The following EYS variants were observed in gnomAD, a reference collection of about 807,000 sequenced individuals.
The protein encoded by EYS is EGF-like photoreceptor maintenance factor.
In EYS, 250 loss-of-function variants were observed where a neutral mutation model predicts 282.1. That is an observed-to-expected ratio of 0.89 (90% CI 0.80 to 0.98). The LOEUF (loss-of-function observed/expected upper bound fraction) is 0.98, where lower values mean the gene tolerates loss of function less well. EYS is among the 50% of genes least tolerant of loss of function. The pLI, the probability that EYS is intolerant of heterozygous loss-of-function variation, is 0.00. For synonymous variants in EYS, 1,355 were observed against 1,282.9 expected (o/e 1.06, Z -1.20); for missense variants, 4,016 against 3,709.0 (o/e 1.08, Z -2.15).
intron 36 of EYS, among the ~76,000 whole-genome samples, chr6:63,843,269 C>T (rs1772012214): frequency 6.6e-6 from 1 of 151,968 alleles, no homozygotes; most frequent in African/African-American, 2.4e-5. Flanking sequence ...TTGTTTGTGT[C>T]CTCTTATTTC....
intron 31 of EYS, among the ~76,000 whole-genome samples, chr6:64,156,759 T>A (rs1774935437): frequency 6.6e-6 from 1 of 152,182 alleles, no homozygotes. Flanking sequence ...TAGAGATTTG[T>A]GGAACTTTGA....
intron 33 of EYS, among the ~76,000 whole-genome samples, chr6:64,051,060 T>C (rs1263310488): frequency 2.0e-5 from 3 of 152,168 alleles, no homozygotes; most frequent in Admixed American, 6.6e-5. Flanking sequence ...ATGATGAATG[T>C]AGGGAATAGT....
At chr6:63,847,041 G>T (rs1442688709) in intron 36 of EYS, among the ~76,000 whole-genome samples, 1 of 151,984 alleles carries the variant, frequency 6.6e-6, no homozygotes, top group Non-Finnish European at 1.5e-5. Flanking sequence ...AGGAAACATG[G>T]ATAACATTAA....
chr6:65,429,521 A>G lies in EYS; in HGVS notation c.863-24154T>C, dbSNP rs1256276372. On this transcript the variant is annotated intron_variant, in intron 5 of 42. Coordinates refer to ENST00000503581, the MANE Select transcript of EYS (RefSeq NM_001142800.2). The stretch of plus-strand genomic sequence containing the variant: ...TAAATACTAATATCTGAGCCCTACC[A>G]TAGTGGCTTCATTGTCCGTATACAG... 3.9e-5 allele frequency among the ~76,000 whole-genome samples: 6 copies of G among 152,182 alleles called. No homozygotes were observed. The East Asian group carries it at 9.6e-4, about 24-fold the overall frequency.
chr6:65,586,658 T>C (rs1429923127), intron 2 of EYS, among the ~76,000 whole-genome samples: 1 of 152,062 alleles, frequency 6.6e-6, no homozygotes, highest in Non-Finnish European at 1.5e-5. Context: ...AGAATAAGAA[T>C]TGCACTTAAA....
intron 28 of EYS, among the ~76,000 whole-genome samples, chr6:64,395,149 T>C (rs967209562): frequency 2.5e-4 from 38 of 152,078 alleles, no homozygotes; most frequent in African/African-American, 7.5e-4. Flanking sequence ...CTGGAGAGGA[T>C]GTAGAGAAAT....
At chr6:64,899,753 T>C (rs949312790) in intron 18 of EYS, among the ~76,000 whole-genome samples, 1 of 152,028 alleles carries the variant, frequency 6.6e-6, no homozygotes, top group South Asian at 2.1e-4. Context: ...TGAAAAAAAT[T>C]CCACGCTCAT....
chr6:63,892,505 G>T (rs1178369069), intron 35 of EYS, among the ~76,000 whole-genome samples: 1 of 152,174 alleles, frequency 6.6e-6, no homozygotes, highest in African/African-American at 2.4e-5. Context: ...AATAAATGGT[G>T]TTGGGAAAAC....
chr6:65,368,085 G>A (rs1764983068), intron 8 of EYS, among the ~76,000 whole-genome samples: 1 of 151,514 alleles, frequency 6.6e-6, no homozygotes, highest in Non-Finnish European at 1.5e-5. Flanking sequence ...GCAGGAAGGA[G>A]AAGTGCTGAG....
intron 30 of EYS, among the ~76,000 whole-genome samples, chr6:64,297,687 G>A (rs1769082137): frequency 1.3e-5 from 2 of 152,074 alleles, no homozygotes; most frequent in African/African-American, 2.4e-5. Context: ...CCTTTCAGAA[G>A]TTAGATAGAG....
chr6:65,358,748 T>C (rs190167661), intron 8 of EYS, among the ~76,000 whole-genome samples: 182 of 152,002 alleles, frequency 1.2e-3, no homozygotes, highest in African/African-American at 4.2e-3. Context: ...TATATTAAAT[T>C]AGACCTTATA....
At chr6:64,670,988 C>T (rs1253420241) in intron 22 of EYS, among the ~76,000 whole-genome samples, 1 of 151,924 alleles carries the variant, frequency 6.6e-6, no homozygotes, top group Non-Finnish European at 1.5e-5. Context: ...TTGGAAAGAC[C>T]TCAAATTCAT....
In EYS at chr6:63,726,671, A is replaced by C. The variant is rs954331122; in HGVS notation, c.8081T>G (p.Ile2694Arg). 2 of 1,550,992 alleles carry C rather than the reference A, an allele frequency of 1.3e-6. No individual in the cohort carries two copies. Among genetic ancestry groups the C allele is most frequent in the African/African-American group, 2.7e-5 (2 of 73,040 alleles). ...ATTGCTTCTGAAAGATGGATCACTT[A>C]TGGATAAAGCTGAGGGAAGGAGAGA... ...TGIYCEQALSISDPSFRSNEL... is the reference protein window; with the variant it reads ...TGIYCEQALSRSDPSFRSNEL... The change falls in exon 42 of 43, where the codon ATA becomes AGA. Residue 2694 changes from isoleucine to arginine, a missense_variant. Transcript: ENST00000503581.
At chr6:64,856,212 T>C (rs974649642) in intron 19 of EYS, among the ~76,000 whole-genome samples, 2 of 152,154 alleles carry the variant, frequency 1.3e-5, no homozygotes, top group African/African-American at 4.8e-5. Flanking sequence ...GGTTGTGCCA[T>C]TTTGCATCTC....
chr6:64,341,033 A>T lies in EYS; in HGVS notation c.6079-33951T>A, dbSNP rs146642990. The stretch of plus-strand genomic sequence containing the variant: ...AACGAGATACCAGCTCACACCATTC[A>T]GAATGCCAATTATAAAAAATCGAAA... On this transcript the variant is annotated intron_variant, in intron 29 of 42. Coordinates refer to ENST00000503581, the MANE Select transcript of EYS (RefSeq NM_001142800.2). 2.3e-3 allele frequency among the ~76,000 whole-genome samples: 342 copies of T among 151,956 alleles called. 2 individuals are homozygous for T. Among genetic ancestry groups the T allele is most frequent in the African/African-American group, 7.9e-3 (329 of 41,524 alleles).
intron 20 of EYS, among the ~76,000 whole-genome samples, chr6:64,822,339 A>G (rs1764922804): frequency 6.6e-6 from 1 of 152,034 alleles, no homozygotes. Context: ...AAATAATAGA[A>G]TGTCTCATCA....
intron 19 of EYS, among the ~76,000 whole-genome samples, chr6:64,833,535 TGAG>T (rs1446872058): frequency 1.3e-5 from 2 of 151,880 alleles, no homozygotes; most frequent in Admixed American, 1.3e-4. Context: ...CATAGAAACA[TGAG>T]GTTATACATA....
chr6:63,866,607 C>T (rs1772676847), intron 35 of EYS, among the ~76,000 whole-genome samples: 1 of 152,186 alleles, frequency 6.6e-6, no homozygotes, highest in African/African-American at 2.4e-5. Flanking sequence ...CCTCTTTCTG[C>T]TTTCATCAGG....
chr6:65,320,625 G>A (rs1329074665), intron 11 of EYS, among the ~76,000 whole-genome samples: 1 of 152,178 alleles, frequency 6.6e-6, no homozygotes, highest in Non-Finnish European at 1.5e-5. Flanking sequence ...GATAGATGGT[G>A]GTAGAAACAG....
Sources: gnomAD v4.1 joint callset for allele counts (sites outside exome capture counted in the v4.1 genomes callset) on GRCh38, gnomAD v4.1.1 for gene constraint, MANE v1.5 for transcripts, NCBI Gene and HGNC (gene_info 2026-07-23, HGNC 2026-07-21) for gene names.